Variants in SYMPK observed in about 807,000 individuals in gnomAD.
SYMPK encodes symplekin.
SYMPK carries 49 observed loss-of-function variants against 136.4 expected under a neutral mutation model. The ratio of observed to expected loss-of-function variants is 0.36; its 90% CI spans 0.29 to 0.46. The LOEUF is 0.46. Ranked by LOEUF, SYMPK falls within the 20% of genes least tolerant of loss-of-function variation. The pLI is 1.00. For missense variants in SYMPK, 1,365 were observed against 1,690.0 expected (o/e 0.81, Z 3.37); for synonymous variants, 766 against 713.0 (o/e 1.07, Z -1.19).
intron 8 of SYMPK, 24 bp downstream of exon 8, chr19:45,844,006 G>A (rs777815989): frequency 1.4e-6 from 2 of 1,452,646 alleles, no homozygotes; most frequent in African/African-American, 1.4e-5. Context: ...GAAGGCAGGG[G>A]GAGGGGGGAG....
chr19:45,842,901 C>G (rs910155400), intron 8 of SYMPK: 3 of 192,110 alleles, frequency 1.6e-5, no homozygotes, highest in Non-Finnish European at 3.2e-5. Flanking sequence ...GATAAGTGAG[C>G]CTCCCCTGTT....
At chr19:45,843,164 G>A (rs1264095251) in intron 8 of SYMPK, 1 of 152,222 alleles carries the variant, frequency 6.6e-6, no homozygotes. Context: ...TGCTGGAATG[G>A]TTGGGAAGGA....
At chr19:45,824,039 A>G (rs10853776) in intron 18 of SYMPK, 164 bp from the exon 19 acceptor site, 417,312 of 492,642 alleles carry the variant, frequency 0.85, 178,068 homozygotes, top group African/African-American at 0.89. Context: ...GAGAGTCAGA[A>G]GAACCTTGGC....
chr19:45,847,924 G>T lies in SYMPK; in HGVS notation c.504C>A (p.Ile168=). ...WDMVSAMAGD[I]ILLLDSDNDG... is the part of the protein sequence containing the mutation. ...CATTGTCAGAGTCCAATAGCAGGAT[G>T]ATGTCCCCCGCCATGGCAGATACCA... Residue 168 remains isoleucine (I), a synonymous_variant, in exon 7 of 27, where the codon ATC becomes ATA. Transcript: ENST00000245934. 1 of 1,613,224 alleles carries T rather than the reference G, an allele frequency of 6.2e-7. No homozygotes were observed. Among genetic ancestry groups the T allele is most frequent in the African/African-American group, 1.3e-5 (1 of 75,014 alleles).
chr19:45,840,499 A>G (rs1356323374), intron 9 of SYMPK, among the ~76,000 whole-genome samples: 2 of 151,938 alleles, frequency 1.3e-5, no homozygotes, highest in Non-Finnish European at 2.9e-5. Context: ...CCCCGTCTCT[A>G]CTAAAAAGAC....
chr19:45,822,368 T>C (rs1003805166), intron 21 of SYMPK, among the ~76,000 whole-genome samples: 9 of 152,224 alleles, frequency 5.9e-5, no homozygotes, highest in Non-Finnish European at 1.0e-4. Context: ...TCCGCCCGCC[T>C]CGCCTCAAGT....
intron 1 of SYMPK, among the ~76,000 whole-genome samples, chr19:45,859,615 C>CA (rs1326475579): frequency 6.6e-6 from 1 of 151,438 alleles, no homozygotes; most frequent in Non-Finnish European, 1.5e-5. Context: ...TAAAACAAAA[C>CA]AAAAACAAAG....
rs778411188 is a variant in SYMPK, at chr19:45,848,895, AG to A, written c.300-20del. The A allele has an allele frequency of 6.2e-7, 1 of 1,613,520 alleles. No homozygotes were observed. Among genetic ancestry groups the A allele is most frequent in the Non-Finnish European group, 8.5e-7 (1 of 1,179,796 alleles). On this transcript the variant is annotated intron_variant, in intron 5 of 26. Coordinates refer to ENST00000245934, the MANE Select transcript of SYMPK (RefSeq NM_004819.3). ...TCGCTTGCTGAGGGATGGAGAAAAA[AG>A]GGGCGAGGTCAAGGTGTGGTCTTAG...
At position 45,816,994 on chromosome 19, in the gene SYMPK, A is replaced by C; in HGVS notation, c.3082-20T>G. 1 of 1,551,572 alleles carries C rather than the reference A, an allele frequency of 6.4e-7. No homozygotes were observed. Among genetic ancestry groups the C allele is most frequent in the Non-Finnish European group, 8.7e-7 (1 of 1,148,256 alleles). ...CCACACCTGAACCAGGGAGGGAGGGAGCCGTCGGGAGAGGCACACAGGCAT... is the reference window on the plus strand; with the variant it reads ...CCACACCTGAACCAGGGAGGGAGGGCGCCGTCGGGAGAGGCACACAGGCAT... On this transcript the variant is annotated intron_variant, in intron 23 of 26. Coordinates refer to ENST00000245934, the MANE Select transcript of SYMPK (RefSeq NM_004819.3).
At chr19:45,816,326 A>G in intron 25 of SYMPK, 143 bp from the exon 26 acceptor site, 2 of 1,204,516 alleles carry the variant, frequency 1.7e-6, no homozygotes, top group Non-Finnish European at 2.3e-6. Flanking sequence ...CCAGACCCCC[A>G]ACTCCCAGCA....
intron 13 of SYMPK, 60 bp from the exon 14 acceptor site, chr19:45,829,265 C>T (rs1971116520): frequency 3.5e-6 from 5 of 1,438,522 alleles, no homozygotes; most frequent in Non-Finnish European, 4.8e-6. Context: ...ACTCCGCAAT[C>T]GTGCCCTGCG....
chr19:45,828,972 A>G lies in SYMPK; in HGVS notation c.1983T>C (p.Asp661=), dbSNP rs763165162. The G allele has an allele frequency of 6.2e-7, 1 of 1,613,990 alleles. No homozygotes were observed. The highest frequency in any genetic ancestry group is 8.5e-7 in the Non-Finnish European group (1 of 1,179,900). The change falls in exon 14 of 27, where the codon GAT becomes GAC. Residue 661 remains aspartate (D), a splice_region_variant and synonymous_variant. Coordinates refer to ENST00000245934, the MANE Select transcript of SYMPK (RefSeq NM_004819.3). The stretch of plus-strand genomic sequence containing the variant: ...GGGTGCAGGGTCAGCCCCCTCACCC[A>G]TCCTTCTGGTCTGGTTTCTCCTGCA... ...SGLQEKPDQK[D]GIFTKVVLEA...
At position 45,816,783 on chromosome 19, in the gene SYMPK, G is replaced by T. The variant is rs74821481; in HGVS notation, c.3258+15C>A. ...TGGGTGGGGGGAAAGGGTACCTGGT[G>T]GGGGGAAGGGGTACCTGGTGGGGGG... is the stretch of plus-strand genomic sequence containing the variant. On this transcript the variant is annotated intron_variant, in intron 24 of 26. Coordinates refer to ENST00000245934, the MANE Select transcript of SYMPK (RefSeq NM_004819.3). The T allele has an allele frequency of 0.34, 510,954 of 1,514,492 alleles. 87,891 individuals carry two copies. The highest frequency in any genetic ancestry group is 0.38 in the Middle Eastern group (1,917 of 5,078). 93.8% of individuals were successfully genotyped at this position (1,514,492 alleles called of 1,614,324 possible). A position where few individuals can be genotyped will look rare whatever the true frequency, so the allele number is the denominator to read the frequency against.
chr19:45,852,260 GA>G, intron 5 of SYMPK, 51 bp downstream of exon 5: 1 of 1,604,420 alleles, frequency 6.2e-7, no homozygotes, highest in Non-Finnish European at 8.5e-7. Flanking sequence ...GCCACGAGCT[GA>G]AGGCTGCCAC....
intron 10 of SYMPK, among the ~76,000 whole-genome samples, chr19:45,837,314 G>T (rs1191521601): frequency 6.6e-6 from 1 of 151,174 alleles, no homozygotes; most frequent in Non-Finnish European, 1.5e-5. Flanking sequence ...TTCCTAGTGT[G>T]TGATAAGACA....
At chr19:45,859,314 A>AAG (rs71175232) in intron 1 of SYMPK, among the ~76,000 whole-genome samples, 1 of 149,010 alleles carries the variant, frequency 6.7e-6, no homozygotes, top group Non-Finnish European at 1.5e-5. Context: ...AAAAAAAAAA[A>AAG]GGGCATGGTG....
chr19:45,841,069 A>G (rs1266823990), intron 9 of SYMPK, among the ~76,000 whole-genome samples: 1 of 149,500 alleles, frequency 6.7e-6, no homozygotes, highest in Non-Finnish European at 1.5e-5. Context: ...CACTGCAACC[A>G]CTGCCCCCAG....
intron 10 of SYMPK, among the ~76,000 whole-genome samples, chr19:45,837,299 G>A (rs1971324103): frequency 6.6e-6 from 1 of 151,120 alleles, no homozygotes; most frequent in East Asian, 1.9e-4. Flanking sequence ...AACTGAAAAG[G>A]TCAATTCCTA....
At chr19:45,836,302 G>A (rs1458045126) in intron 10 of SYMPK, among the ~76,000 whole-genome samples, 1 of 151,750 alleles carries the variant, frequency 6.6e-6, no homozygotes, top group African/African-American at 2.4e-5. Context: ...GGCTGGAAAA[G>A]GATAATTTCA....
Sources: allele counts gnomAD v4.1 joint callset (sites outside exome capture counted in the v4.1 genomes callset), GRCh38; gene constraint gnomAD v4.1.1; transcripts MANE v1.5; gene names NCBI Gene and HGNC (gene_info 2026-07-23, HGNC 2026-07-21).